Variants in CNGA1 observed in about 807,000 individuals in gnomAD.
The protein encoded by CNGA1 is cyclic nucleotide-gated channel alpha-1.
Under a neutral mutation model 69.7 loss-of-function variants are expected in CNGA1, and 53 were observed. That is an observed-to-expected ratio of 0.76 (90% CI 0.61 to 0.96). The LOEUF is 0.96. Among genes scored for constraint, CNGA1 ranks in the 40% least tolerant of loss-of-function variants. The probability of loss-of-function intolerance (pLI) is 0.00; values close to 1 mark genes in which losing one functional copy is unlikely to be tolerated. For synonymous variants in CNGA1, 249 were observed against 283.5 expected (o/e 0.88, Z 1.22); for missense variants, 739 against 811.2 (o/e 0.91, Z 1.08).
At chr4:47,950,723 C>A (rs1353079110) in intron 5 of CNGA1, among the ~76,000 whole-genome samples, 2 of 152,274 alleles carry the variant, frequency 1.3e-5, no homozygotes, top group Non-Finnish European at 2.9e-5. Context: ...AGCTCCAACA[C>A]CAATACCACA....
At chr4:48,014,984 A>G (rs1197470918) in intron 1 of CNGA1, among the ~76,000 whole-genome samples, 1 of 152,066 alleles carries the variant, frequency 6.6e-6, no homozygotes, top group Non-Finnish European at 1.5e-5. Flanking sequence ...CATGCTGGTT[A>G]ACACGGTGAA....
intron 3 of CNGA1, among the ~76,000 whole-genome samples, chr4:47,961,999 T>C (rs2110179330): frequency 6.6e-6 from 1 of 152,324 alleles, no homozygotes; most frequent in Admixed American, 6.5e-5. Context: ...TGAAATGTGC[T>C]GGAAGTGTCT....
intron 3 of CNGA1, among the ~76,000 whole-genome samples, chr4:47,978,074 C>T (rs1400206942): frequency 6.6e-6 from 1 of 152,208 alleles, no homozygotes; most frequent in Non-Finnish European, 1.5e-5. Context: ...GATCCACCCA[C>T]CTCAGCCTCC....
At chr4:47,992,050 T>C (rs1240415180) in intron 2 of CNGA1, among the ~76,000 whole-genome samples, 1 of 152,206 alleles carries the variant, frequency 6.6e-6, no homozygotes, top group Non-Finnish European at 1.5e-5. Context: ...GCCAGTATCA[T>C]GCTGTTTTGG....
intron 3 of CNGA1, among the ~76,000 whole-genome samples, chr4:47,954,794 G>A (rs1357919522): frequency 1.3e-5 from 2 of 152,180 alleles, no homozygotes; most frequent in Non-Finnish European, 2.9e-5. Flanking sequence ...AAAACCTTAC[G>A]AGCCTTTTTG....
intron 10 of CNGA1, 151 bp downstream of exon 10, chr4:47,940,612 C>T: frequency 1.6e-6 from 1 of 626,990 alleles, no homozygotes; most frequent in Non-Finnish European, 2.9e-6. Flanking sequence ...TGAGTTTATA[C>T]ATCGTGACTC....
rs60055899 is a variant in CNGA1 at position 47,984,663 on chromosome 4, TACACAC to T, written c.-122-3169_-122-3164del. Among the ~76,000 whole-genome samples the T allele has an allele frequency of 6.0e-3, 768 of 127,304 alleles. 11 individuals are homozygous for T. Among genetic ancestry groups the T allele is most frequent in the African/African-American group, 0.018 (679 of 37,422 alleles). The allele number at this position is 127,304 out of a possible 152,430, so 83.5% of individuals were successfully genotyped here. A position where few individuals can be genotyped will look rare whatever the true frequency, so the allele number is the denominator to read the frequency against. On this transcript the variant is annotated intron_variant, in intron 2 of 10. Transcript: ENST00000514170. ...AATAAAAAAAATATATATATATATA[TACACAC>T]ACACACACACACACACACACACACA...
In CNGA1 at chr4:47,943,246, C is replaced by T. The variant is rs1247475814; in HGVS notation, c.372G>A (p.Lys124=). 1.9e-6 allele frequency: 3 copies of T among 1,583,870 alleles called. No homozygotes were observed. Among genetic ancestry groups the T allele is most frequent in the East Asian group, 4.5e-5 (2 of 44,100 alleles). Residue 124 remains lysine (K), a synonymous_variant, in exon 8 of 11, where the codon AAG becomes AAA. Transcript: ENST00000514170. ...TCTCTTTGTCCTTTTTCTTCTTTTT[C>T]TTCTCTGGGTCGTTTTTATTTTCGT... ...DKNENKNDPE[K]KKKKKDKEKK...
At position 47,937,003 on chromosome 4, in the gene CNGA1, G is replaced by A. The variant is rs186845150; in HGVS notation, c.1479C>T (p.Pro493=). ...LLVELVLKLQ[P]QVYSPGDYIC... ...TATAATCTCCAGGACTGTAGACTTGGGGTTGCAATTTCAAGACCAACTCCA... is the reference window on the plus strand; with the variant it reads ...TATAATCTCCAGGACTGTAGACTTGAGGTTGCAATTTCAAGACCAACTCCA... The change falls in exon 11 of 11, where the codon CCC becomes CCT. Residue 493 remains proline (P), a synonymous_variant. Coordinates refer to ENST00000514170, the MANE Select transcript of CNGA1 (RefSeq NM_001379270.1). 9 of 1,613,996 alleles carry A rather than the reference G, an allele frequency of 5.6e-6. No individual in the cohort carries two copies. The African/African-American group carries it at 1.1e-4, about 19-fold the overall frequency.
intron 2 of CNGA1, among the ~76,000 whole-genome samples, chr4:47,982,697 G>A (rs575831300): frequency 9.2e-5 from 14 of 151,946 alleles, no homozygotes; most frequent in African/African-American, 2.4e-4. Context: ...TATCTAATGC[G>A]TTCTTTTTAA....
At chr4:47,988,313 C>CT (rs1032633076) in intron 2 of CNGA1, among the ~76,000 whole-genome samples, 4 of 151,940 alleles carry the variant, frequency 2.6e-5, no homozygotes, top group Admixed American at 2.6e-4. Flanking sequence ...GCATTGTAGG[C>CT]TTTTTTCTCT....
chr4:47,997,399 AAAAC>A (rs1714419280), intron 2 of CNGA1, among the ~76,000 whole-genome samples: 1 of 152,220 alleles, frequency 6.6e-6, no homozygotes, highest in Admixed American at 6.5e-5. Context: ...CTCACCTTGA[AAAAC>A]AAACCTTCAT....
At chr4:47,955,231 G>A (rs1740012140) in intron 3 of CNGA1, among the ~76,000 whole-genome samples, 1 of 133,456 alleles carries the variant, frequency 7.5e-6, no homozygotes, top group Non-Finnish European at 1.5e-5. Context: ...CACCTAGGCT[G>A]GAGTGCAGTG....
intron 3 of CNGA1, among the ~76,000 whole-genome samples, chr4:47,960,273 C>T (rs1384450702): frequency 2.0e-5 from 3 of 152,206 alleles, no homozygotes; most frequent in African/African-American, 4.8e-5. Context: ...AAATGTCACG[C>T]ATGTCACTGG....
At chr4:48,000,181 A>T (rs1047704246) in intron 2 of CNGA1, among the ~76,000 whole-genome samples, 58 of 152,300 alleles carry the variant, frequency 3.8e-4, no homozygotes, top group African/African-American at 1.3e-3. Context: ...TATTAATTGG[A>T]TCAACATGTG....
intron 2 of CNGA1, among the ~76,000 whole-genome samples, chr4:48,009,231 C>A (rs748589889): frequency 7.9e-5 from 12 of 152,034 alleles, no homozygotes; most frequent in Non-Finnish European, 1.3e-4. Context: ...CTTTGGGAGG[C>A]CTAGGTGGGT....
chr4:47,972,802 T>TATG (rs1741113781), intron 3 of CNGA1, among the ~76,000 whole-genome samples: 1 of 152,214 alleles, frequency 6.6e-6, no homozygotes, highest in African/African-American at 2.4e-5. Context: ...TACCTCTGAC[T>TATG]ATGGTCCTCT....
chr4:47,980,882 C>A, intron 3 of CNGA1, among the ~76,000 whole-genome samples: 1 of 43,114 alleles, frequency 2.3e-5, no homozygotes. Flanking sequence ...TATCCTCGGG[C>A]GAGGCACTTA....
intron 6 of CNGA1, among the ~76,000 whole-genome samples, chr4:47,949,508 G>A (rs985597209): frequency 1.3e-5 from 2 of 152,096 alleles, no homozygotes; most frequent in Non-Finnish European, 2.9e-5. Context: ...CTCAGAAACT[G>A]TCTCCTGAGG....
Sources: gnomAD v4.1 joint callset for allele counts (sites outside exome capture counted in the v4.1 genomes callset) on GRCh38, gnomAD v4.1.1 for gene constraint, MANE v1.5 for transcripts, NCBI Gene and HGNC (gene_info 2026-07-23, HGNC 2026-07-21) for gene names.